The following PEAK1 variants were observed in gnomAD, a reference collection of about 807,000 sequenced individuals.
PEAK1 encodes pseudopodium enriched atypical kinase 1.
In PEAK1, 54 loss-of-function variants were observed where a neutral mutation model predicts 124.7. The ratio of observed to expected loss-of-function variants is 0.43; its 90% CI spans 0.35 to 0.54. PEAK1 has a LOEUF of 0.54. Among genes scored for constraint, PEAK1 ranks in the 20% least tolerant of loss-of-function variants. The pLI, the probability that PEAK1 is intolerant of heterozygous loss-of-function variation, is 0.01. For synonymous variants in PEAK1, 719 were observed against 760.0 expected, an observed-to-expected ratio of 0.95 and a Z score of 0.89; for missense variants, 2,046 against 2,134.5, an observed-to-expected ratio of 0.96 and a Z score of 0.82.
intron 2 of PEAK1, among the ~76,000 whole-genome samples, chr15:77,357,168 G>A (rs1330788542): frequency 1.3e-5 from 2 of 152,270 alleles, no homozygotes; most frequent in South Asian, 2.1e-4. Flanking sequence ...TTACTTGGGA[G>A]GTGAAGTGGG....
chr15:77,120,115 G>T (rs10519158), intron 9 of PEAK1, among the ~76,000 whole-genome samples: 1 of 152,088 alleles, frequency 6.6e-6, no homozygotes, highest in East Asian at 1.9e-4. Flanking sequence ...GAATGGCATG[G>T]TGTTACTCAT....
downstream of PEAK1, chr15:77,104,349 TG>T (rs961318374): frequency 1.1e-4 from 17 of 152,686 alleles, no homozygotes; most frequent in Non-Finnish European, 2.3e-4. Context: ...GCTAAAGCCA[TG>T]GCCTCCCTGG....
chr15:77,135,728 T>A lies in PEAK1; in HGVS notation c.3332-1978A>T, dbSNP rs574165848. Among the ~76,000 whole-genome samples, 11 of 152,022 alleles carry A rather than the reference T, an allele frequency of 7.2e-5. No homozygotes were observed. In the South Asian group the frequency reaches 2.3e-3, roughly 32 times the overall value. On this transcript the variant is annotated intron_variant, in intron 8 of 9. Transcript: ENST00000682557. ...GATCTGAGGGTTTTAAAAAGAGGAG[T>A]TCCCCTGCACACGTTCTCTCTCTTT... is the stretch of plus-strand genomic sequence containing the variant.
At chr15:77,205,483 T>C (rs558024007) in intron 6 of PEAK1, among the ~76,000 whole-genome samples, 40 of 152,228 alleles carry the variant, frequency 2.6e-4, no homozygotes, top group Non-Finnish European at 3.8e-4. Context: ...ATTTAATCTC[T>C]TGAACATTTT....
At chr15:77,161,632 TGTCATGTCTTA>T (rs2055649784) in intron 7 of PEAK1, among the ~76,000 whole-genome samples, 1 of 152,158 alleles carries the variant, frequency 6.6e-6, no homozygotes, top group South Asian at 2.1e-4. Context: ...ATCAGTGATA[TGTCATGTCTTA>T]ATGCTTAAAG....
intron 1 of PEAK1, chr15:77,404,121 A>T (rs2071604216): frequency 1.0e-6 from 1 of 985,170 alleles, no homozygotes; most frequent in African/African-American, 1.7e-5. Context: ...ACAACTACAA[A>T]TTTAACACTT....
chr15:77,347,239 C>T, intron 2 of PEAK1: 2 of 984,964 alleles, frequency 2.0e-6, no homozygotes, highest in Non-Finnish European at 2.4e-6. Flanking sequence ...AAGTTATCTG[C>T]TGAGAAGATA....
chr15:77,125,570 G>T (rs1344479339), intron 9 of PEAK1, among the ~76,000 whole-genome samples: 1 of 152,030 alleles, frequency 6.6e-6, no homozygotes, highest in East Asian at 1.9e-4. Context: ...GTTTTAAGAA[G>T]ACCTGAAGTA....
chr15:77,418,510 C>G, intron 1 of PEAK1: 1 of 985,008 alleles, frequency 1.0e-6, no homozygotes, highest in Non-Finnish European at 1.2e-6. Flanking sequence ...ACTTCTACTT[C>G]CATTGTTCAT....
chr15:77,333,266 C>T (rs888760107), intron 2 of PEAK1: 14 of 943,544 alleles, frequency 1.5e-5, no homozygotes, highest in Middle Eastern at 1.1e-3. Context: ...ATTACAGGCA[C>T]GAGCCACTGT....
chr15:77,397,109 T>A (rs1039351446), intron 1 of PEAK1, among the ~76,000 whole-genome samples: 1 of 152,174 alleles, frequency 6.6e-6, no homozygotes. Context: ...ATATCAAGTA[T>A]CTTATCTGAC....
In PEAK1 at chr15:77,308,913, T is replaced by C. The variant is rs141782285; in HGVS notation, c.-602-22409A>G. On this transcript the variant is annotated intron_variant, in intron 2 of 9. Coordinates refer to ENST00000682557, the MANE Select transcript of PEAK1 (RefSeq NM_001385026.1). ...CAATAACATGACATCATGAAAAAGT[T>C]ACTGTATACAATACAAAATCAAAGC... 1.5e-3 allele frequency among the ~76,000 whole-genome samples: 223 copies of C among 152,190 alleles called. 6 individuals carry two copies. The East Asian group carries it at 0.03, about 20-fold the overall frequency.
intron 2 of PEAK1, chr15:77,351,700 G>A: frequency 2.1e-6 from 2 of 975,360 alleles, no homozygotes; most frequent in Non-Finnish European, 2.4e-6. Flanking sequence ...TGTTCAAGGT[G>A]CCAAGAACCT....
intron 7 of PEAK1, among the ~76,000 whole-genome samples, chr15:77,177,426 C>A (rs2056953655): frequency 1.3e-5 from 2 of 152,076 alleles, no homozygotes; most frequent in South Asian, 4.1e-4. Flanking sequence ...AGCATTTTGA[C>A]AACAATTTGG....
intron 9 of PEAK1, among the ~76,000 whole-genome samples, chr15:77,125,864 A>G (rs1053343185): frequency 1.3e-5 from 2 of 152,208 alleles, no homozygotes; most frequent in African/African-American, 4.8e-5. Context: ...AATAGGTCAC[A>G]GCAGATCACA....
In PEAK1 at chr15:77,178,805, G is replaced by A. The variant is rs753831867; in HGVS notation, c.3122C>T (p.Pro1041Leu). 1.2e-6 allele frequency: 2 copies of A among 1,612,542 alleles called. No individual in the cohort carries two copies. The highest frequency in any genetic ancestry group is 1.3e-5 in the African/African-American group (1 of 74,988). ...KRSHSSPSQI[P>L]KKILSHMTHE... ...TTTTACATACCTGAGAATCTTTTTAGGAATCTGTGATGGAGAAGAATGACT... is the reference window on the plus strand; with the variant it reads ...TTTTACATACCTGAGAATCTTTTTAAGAATCTGTGATGGAGAAGAATGACT... Residue 1041 changes from proline to leucine, a missense_variant, in exon 7 of 10, where the codon CCT becomes CTT. Pro to Leu is a moderately conservative substitution (Grantham distance 98). Transcript: ENST00000682557.
rs2066044849 is a variant in PEAK1 at position 77,333,989 on chromosome 15, A to G, written c.-603+31174T>C. 3 of 433,932 alleles carry G rather than the reference A, an allele frequency of 6.9e-6. No individual in the cohort carries two copies. The South Asian group carries it at 3.0e-4, about 43-fold the overall frequency. 26.9% of individuals were successfully genotyped at this position (433,932 alleles called of 1,614,324 possible). On this transcript the variant is annotated intron_variant, in intron 2 of 9. Transcript: ENST00000682557. ...TTGATTAGAATTGCATCAAATTCAT[A>G]GATTTGGGAAGAATTAATATAAGAC... is the stretch of plus-strand genomic sequence containing the variant.
At chr15:77,233,301 T>C (rs1265808459) in intron 6 of PEAK1, among the ~76,000 whole-genome samples, 2 of 152,212 alleles carry the variant, frequency 1.3e-5, no homozygotes, top group Non-Finnish European at 2.9e-5. Context: ...TCAACAAAAC[T>C]CTGCTAATTA....
At chr15:77,177,513 T>C (rs2056957922) in intron 7 of PEAK1, among the ~76,000 whole-genome samples, 1 of 152,162 alleles carries the variant, frequency 6.6e-6, no homozygotes, top group Non-Finnish European at 1.5e-5. Context: ...GTAAAAGCAT[T>C]AAGTGTTCAC....
Sources: gnomAD v4.1 joint callset for allele counts (sites outside exome capture counted in the v4.1 genomes callset) on GRCh38, gnomAD v4.1.1 for gene constraint, MANE v1.5 for transcripts, NCBI Gene and HGNC (gene_info 2026-07-23, HGNC 2026-07-21) for gene names.